GRB10: variants seen among roughly 807,000 people sequenced by gnomAD.
GRB10 encodes the protein growth factor receptor-bound protein 10.
A neutral mutation model predicts 80.9 loss-of-function variants in GRB10; 20 were observed. That is an observed-to-expected ratio of 0.25 (90% CI 0.17 to 0.36). The LOEUF is 0.36. Ranked by LOEUF, GRB10 falls within the 10% of genes least tolerant of loss-of-function variation. GRB10 has a pLI of 1.00. For synonymous variants in GRB10, 291 were observed against 291.5 expected, an observed-to-expected ratio of 1.00 and a Z score of 0.02; for missense variants, 548 against 747.7, an observed-to-expected ratio of 0.73 and a Z score of 3.12.
At chr7:50,635,370 A>G (rs1189188630) in intron 7 of GRB10, among the ~76,000 whole-genome samples, 12 of 152,176 alleles carry the variant, frequency 7.9e-5, no homozygotes, top group Non-Finnish European at 1.3e-4. Context: ...GGAATACAGC[A>G]AAAGCAGTGC....
intron 4 of GRB10, among the ~76,000 whole-genome samples, chr7:50,714,662 C>CAAA (rs11385458): frequency 3.4e-5 from 5 of 147,396 alleles, no homozygotes; most frequent in African/African-American, 1.2e-4. Flanking sequence ...GACTCTGTCT[C>CAAA]AAAAAAAAAA....
rs1054284318 is a variant in GRB10 at position 50,623,801 on chromosome 7, G to A, written c.661+3021C>T. ...TGAATATCCCTTATCCTAAATGCCT[G>A]GGACCAGAAGCTTTGGTTTTTGGAT... On this transcript the variant is annotated intron_variant, in intron 8 of 18. Coordinates refer to ENST00000401949, the MANE Select transcript of GRB10 (RefSeq NM_001350814.2). 3.9e-5 allele frequency among the ~76,000 whole-genome samples: 6 copies of A among 152,244 alleles called. No individual in the cohort carries two copies. In the South Asian group the frequency reaches 1.0e-3, roughly 26 times the overall value.
At chr7:50,688,299 C>G (rs1261862061) in intron 5 of GRB10, among the ~76,000 whole-genome samples, 1 of 152,172 alleles carries the variant, frequency 6.6e-6, no homozygotes, top group Non-Finnish European at 1.5e-5. Context: ...ACTGCAAAGG[C>G]AGACATGTAT....
At chr7:50,734,282 C>G (rs2070405687) in intron 3 of GRB10, among the ~76,000 whole-genome samples, 1 of 152,090 alleles carries the variant, frequency 6.6e-6, no homozygotes, top group Non-Finnish European at 1.5e-5. Context: ...CTCACCCCAC[C>G]ACCTCCCATG....
At chr7:50,773,952 G>C (rs2077306200) in intron 2 of GRB10, among the ~76,000 whole-genome samples, 1 of 152,156 alleles carries the variant, frequency 6.6e-6, no homozygotes, top group African/African-American at 2.4e-5. Context: ...CCGCCTCCCG[G>C]GTTCATGCCA....
At chr7:50,647,148 A>C (rs555219808) in intron 7 of GRB10, among the ~76,000 whole-genome samples, 2 of 149,484 alleles carry the variant, frequency 1.3e-5, no homozygotes, top group South Asian at 4.3e-4. Context: ...AAACAAACTC[A>C]CTTAGAATCT....
intron 11 of GRB10, among the ~76,000 whole-genome samples, chr7:50,615,784 C>T (rs2050508043): frequency 6.6e-6 from 1 of 152,250 alleles, no homozygotes; most frequent in Non-Finnish European, 1.5e-5. Flanking sequence ...CTTCTTCTCA[C>T]TGGGGATACA....
intron 5 of GRB10, among the ~76,000 whole-genome samples, chr7:50,692,206 A>G (rs2062898805): frequency 6.6e-6 from 1 of 152,148 alleles, no homozygotes; most frequent in South Asian, 2.1e-4. Context: ...CGCAAATACT[A>G]TGCCATTTTA....
intron 3 of GRB10, among the ~76,000 whole-genome samples, chr7:50,732,678 C>T (rs2070039576): frequency 1.3e-5 from 2 of 150,358 alleles, no homozygotes; most frequent in African/African-American, 2.4e-5. Context: ...CACTGCCTCA[C>T]CCTTCTTCCC....
intron 4 of GRB10, chr7:50,710,895 C>A (rs772603802): frequency 1.6e-5 from 26 of 1,612,612 alleles, no homozygotes; most frequent in South Asian, 2.2e-5. Context: ...AACAGAGGGC[C>A]GGCAGCTTGC....
chr7:50,613,168 A>C (rs1285868733), intron 12 of GRB10, among the ~76,000 whole-genome samples: 2 of 152,182 alleles, frequency 1.3e-5, no homozygotes, highest in Non-Finnish European at 2.9e-5. Flanking sequence ...GACAAAGAGG[A>C]AGAGGCATCT....
chr7:50,711,073 A>T (rs1411516639), intron 4 of GRB10: 1 of 656,780 alleles, frequency 1.5e-6, no homozygotes. Flanking sequence ...AATGACAGGG[A>T]TTCGAAATGT....
In GRB10 at chr7:50,591,465, G is replaced by C. The variant is rs928119494; in HGVS notation, c.*1487C>G. On this transcript the variant is annotated 3_prime_UTR_variant, in exon 19 of 19. Transcript: ENST00000401949. ...GCCAGGCAGGTGTTGTCTTGAAAAA[G>C]GAAATCATTCTGCTCACCACAGTAG... is the stretch of plus-strand genomic sequence containing the variant. The C allele has an allele frequency of 6.6e-6, 1 of 152,238 alleles. No individual in the cohort carries two copies. Among genetic ancestry groups the C allele is most frequent in the South Asian group, 2.1e-4 (1 of 4,828 alleles). The allele number at this position is 152,238 out of a possible 1,614,324, so 9.4% of individuals were successfully genotyped here. A position where few individuals can be genotyped will look rare whatever the true frequency, so the allele number is the denominator to read the frequency against.
At chr7:50,622,299 C>T (rs1319971198) in intron 8 of GRB10, among the ~76,000 whole-genome samples, 1 of 152,148 alleles carries the variant, frequency 6.6e-6, no homozygotes, top group African/African-American at 2.4e-5. Context: ...GCAAAAGGCC[C>T]CCTCTAATCA....
At chr7:50,792,731 C>T (rs553281590) in intron 1 of GRB10, 1 of 312,892 alleles carries the variant, frequency 3.2e-6, no homozygotes, top group African/African-American at 2.2e-5. Context: ...CCCGGACGCC[C>T]GGGCGCGCGC....
chr7:50,703,261 G>A (rs2064501516), intron 5 of GRB10, among the ~76,000 whole-genome samples: 1 of 152,150 alleles, frequency 6.6e-6, no homozygotes, highest in Admixed American at 6.5e-5. Flanking sequence ...GCCAAACAAC[G>A]TGCCACACGC....
chr7:50,765,641 AG>A (rs1399084024), intron 2 of GRB10, among the ~76,000 whole-genome samples: 1 of 152,334 alleles, frequency 6.6e-6, no homozygotes. Context: ...AGGGAAGAGT[AG>A]GGGGGTATGG....
chr7:50,728,301 C>T (rs2069004985), intron 4 of GRB10, among the ~76,000 whole-genome samples: 1 of 151,996 alleles, frequency 6.6e-6, no homozygotes, highest in African/African-American at 2.4e-5. Flanking sequence ...CAGTGACAGA[C>T]TTTGGGAATG....
chr7:50,790,233 C>T (rs1327567250), intron 1 of GRB10, among the ~76,000 whole-genome samples: 1 of 152,198 alleles, frequency 6.6e-6, no homozygotes, highest in Non-Finnish European at 1.5e-5. Context: ...AGTTATACCC[C>T]TAATAGTATG....
Sources: allele counts gnomAD v4.1 joint callset (sites outside exome capture counted in the v4.1 genomes callset), GRCh38; gene constraint gnomAD v4.1.1; transcripts MANE v1.5; gene names NCBI Gene and HGNC (gene_info 2026-07-23, HGNC 2026-07-21).